The following FOXO3 variants were observed in gnomAD, a reference collection of about 807,000 sequenced individuals.
FOXO3 encodes the protein forkhead box protein O3.
A neutral mutation model predicts 41.9 loss-of-function variants in FOXO3; 4 were observed. The observed-to-expected ratio is 0.10, with a 90% CI of 0.05 to 0.22. The LOEUF (loss-of-function observed/expected upper bound fraction) is 0.22, where lower values mean the gene tolerates loss of function less well. FOXO3 is among the 10% of genes least tolerant of loss of function. The pLI is 1.00. For missense variants in FOXO3, 534 were observed against 906.8 expected, an observed-to-expected ratio of 0.59 and a Z score of 5.28; for synonymous variants, 318 against 389.3, an observed-to-expected ratio of 0.82 and a Z score of 2.16.
intron 1 of FOXO3, among the ~76,000 whole-genome samples, chr6:108,654,613 A>G (rs149708091): frequency 6.6e-5 from 10 of 152,142 alleles, no homozygotes; most frequent in Non-Finnish European, 1.5e-5. Flanking sequence ...CTTAAATGTT[A>G]GTTTCCAAAG....
chr6:108,664,086 C>T lies in FOXO3; in HGVS notation c.1253C>T (p.Thr418Ile), dbSNP rs1023544612. Residue 418 changes from threonine (T) to isoleucine (I), a missense_variant, in exon 2 of 3, where the codon ACC becomes ATC. Coordinates refer to ENST00000406360, the MANE Select transcript of FOXO3 (RefSeq NM_001455.4). ...CGGAGCTCTAGCTTCCCGTATACCA[C>T]CAAGGGCTCGGGCCTGGGCTCCCCA... ...MQRSSSFPYT[T>I]KGSGLGSPTS... The T allele has an allele frequency of 2.5e-6, 4 of 1,614,074 alleles. No individual in the cohort carries two copies. In the African/African-American group the frequency reaches 5.3e-5, roughly 22 times the overall value.
At chr6:108,560,674 G>C (rs1381828222), upstream of FOXO3, among the ~76,000 whole-genome samples, 2 of 152,114 alleles carry the variant, frequency 1.3e-5, no homozygotes, top group East Asian at 1.9e-4. Flanking sequence ...GAGCGGGCCC[G>C]AGCGAAACAT....
chr6:108,671,633 T>G (rs1281611259), intron 2 of FOXO3, among the ~76,000 whole-genome samples: 1 of 152,242 alleles, frequency 6.6e-6, no homozygotes, highest in African/African-American at 2.4e-5. Flanking sequence ...TGTTATTTAA[T>G]GTTTATTGTG....
chr6:108,590,865 T>C (rs1468233597), intron 1 of FOXO3, among the ~76,000 whole-genome samples: 2 of 152,232 alleles, frequency 1.3e-5, no homozygotes, highest in African/African-American at 4.8e-5. Context: ...GAGCCTCATA[T>C]GACAGCTTTC....
intron 1 of FOXO3, among the ~76,000 whole-genome samples, chr6:108,576,526 CTG>C (rs1164374275): frequency 2.0e-5 from 3 of 152,200 alleles, no homozygotes; most frequent in Non-Finnish European, 4.4e-5. Flanking sequence ...CTAGTGAAAA[CTG>C]TGTCTTCTAA....
intron 1 of FOXO3, among the ~76,000 whole-genome samples, chr6:108,655,606 T>C (rs866265179): frequency 7.9e-5 from 12 of 152,332 alleles, no homozygotes; most frequent in Middle Eastern, 3.4e-3. Flanking sequence ...ATGTGAGTGT[T>C]TAAAGTCTCC....
intron 1 of FOXO3, among the ~76,000 whole-genome samples, chr6:108,596,980 T>C: frequency 6.6e-6 from 1 of 152,204 alleles, no homozygotes; most frequent in East Asian, 1.9e-4. Context: ...TAGAGTCTTA[T>C]CTAACTCTTT....
intron 1 of FOXO3, among the ~76,000 whole-genome samples, chr6:108,569,221 C>T (rs530165586): frequency 6.6e-6 from 1 of 152,254 alleles, no homozygotes; most frequent in Admixed American, 6.5e-5. Context: ...ATTTCAAGGA[C>T]CAGTCTGCAG....
intron 1 of FOXO3, among the ~76,000 whole-genome samples, chr6:108,614,553 C>T (rs1467086566): frequency 1.3e-5 from 2 of 152,028 alleles, no homozygotes; most frequent in Non-Finnish European, 2.9e-5. Context: ...TTTCTTTTGA[C>T]TACTGTTTGT....
Position 108,561,234 on chromosome 6 carries a change from C to G in FOXO3, c.26C>G (p.Ala9Gly). 1 of 1,560,122 alleles carries G rather than the reference C, an allele frequency of 6.4e-7. No homozygotes were observed. The highest frequency in any genetic ancestry group is 8.7e-7 in the Non-Finnish European group (1 of 1,154,990). The change falls in exon 1 of 3, where the codon GCC (alanine) becomes GGC (glycine). Residue 9 changes from alanine (A) to glycine (G), a missense_variant. Physicochemically the swap from Ala to Gly is moderately conservative, Grantham distance 60 (BLOSUM62 0). This residue lies in a region of FOXO3 where 19 missense variants were observed against 26.2 expected (regional missense o/e 0.73). Coordinates refer to ENST00000406360, the MANE Select transcript of FOXO3 (RefSeq NM_001455.4). Reference protein sequence around the residue: MAEAPASPAPLSPLEVELD... With the variant: MAEAPASPGPLSPLEVELD... ...ATGGCAGAGGCACCGGCTTCCCCGG[C>G]CCCGCTCTCTCCGCTCGAAGTGGAG...
intron 1 of FOXO3, among the ~76,000 whole-genome samples, chr6:108,600,965 C>G (rs1029043914): frequency 1.3e-5 from 2 of 152,154 alleles, no homozygotes; most frequent in African/African-American, 2.4e-5. Flanking sequence ...GACATTGATA[C>G]TGTCAAGATA....
At chr6:108,665,908 A>G (rs1582831907) in intron 2 of FOXO3, among the ~76,000 whole-genome samples, 1 of 151,964 alleles carries the variant, frequency 6.6e-6, no homozygotes, top group Non-Finnish European at 1.5e-5. Context: ...TCACCAAACT[A>G]TAAATGATAT....
rs1460102215 is a variant in FOXO3, at chr6:108,683,373, A to G, written c.*3581A>G. ...ACTTTGCCTCTACCTAGTGAACCCCACTTAAAGAATAAGGAGCATTTGAAT... is the reference window on the plus strand; with the variant it reads ...ACTTTGCCTCTACCTAGTGAACCCCGCTTAAAGAATAAGGAGCATTTGAAT... On this transcript the variant is annotated 3_prime_UTR_variant, in exon 3 of 3. Coordinates refer to ENST00000406360, the MANE Select transcript of FOXO3 (RefSeq NM_001455.4). 2.6e-5 allele frequency: 4 copies of G among 152,166 alleles called. No homozygotes were observed. Among genetic ancestry groups the G allele is most frequent in the African/African-American group, 4.8e-5 (2 of 41,432 alleles). 9.4% of individuals were successfully genotyped at this position (152,166 alleles called of 1,614,324 possible).
intron 1 of FOXO3, among the ~76,000 whole-genome samples, chr6:108,653,904 G>A (rs190684949): frequency 4.7e-4 from 71 of 152,298 alleles, no homozygotes; most frequent in African/African-American, 1.6e-3. Flanking sequence ...ATTTGAGCAT[G>A]GTCTTAAAAG....
chr6:108,642,053 G>A (rs991324900), intron 1 of FOXO3, among the ~76,000 whole-genome samples: 15 of 150,496 alleles, frequency 1.0e-4, no homozygotes, highest in African/African-American at 3.7e-4. Context: ...GGTAAACAGT[G>A]AATAGTACAG....
At chr6:108,633,794 T>C (rs1778039986) in intron 1 of FOXO3, among the ~76,000 whole-genome samples, 1 of 152,028 alleles carries the variant, frequency 6.6e-6, no homozygotes, top group Admixed American at 6.6e-5. Context: ...ATGAATGGCT[T>C]TTGTCTACCT....
chr6:108,598,899 T>C (rs910571448), intron 1 of FOXO3, among the ~76,000 whole-genome samples: 2 of 152,212 alleles, frequency 1.3e-5, no homozygotes, highest in African/African-American at 4.8e-5. Context: ...CCTCACCTCC[T>C]TCATGCTGAC....
chr6:108,581,098 A>G (rs1046634879), intron 1 of FOXO3, among the ~76,000 whole-genome samples: 6 of 152,190 alleles, frequency 3.9e-5, no homozygotes, highest in Admixed American at 2.6e-4. Flanking sequence ...GACTAATTGT[A>G]TATCATCTTT....
chr6:108,642,216 A>G (rs1367602524), intron 1 of FOXO3, among the ~76,000 whole-genome samples: 2 of 151,882 alleles, frequency 1.3e-5, no homozygotes, highest in Admixed American at 6.6e-5. Flanking sequence ...AGCCCTCCAA[A>G]TAGCTGGGAC....
Sources: allele counts gnomAD v4.1 joint callset (sites outside exome capture counted in the v4.1 genomes callset), GRCh38; gene constraint gnomAD v4.1.1; regional missense constraint gnomAD v4.1.1; transcripts MANE v1.5; gene names NCBI Gene and HGNC (gene_info 2026-07-23, HGNC 2026-07-21).